TRIM4: variants seen among roughly 807,000 people sequenced by gnomAD.
TRIM4 encodes the protein E3 ubiquitin-protein ligase TRIM4.
Under a neutral mutation model 33.7 loss-of-function variants are expected in TRIM4, and 29 were observed. The ratio of observed to expected loss-of-function variants is 0.86; its 90% CI spans 0.64 to 1.17. The LOEUF is 1.17. Among genes scored for constraint, TRIM4 ranks in the 50% most tolerant of loss-of-function variants. TRIM4 has a pLI of 0.00. For synonymous variants in TRIM4, 224 were observed against 233.0 expected (o/e 0.96, Z 0.35); for missense variants, 554 against 593.7 (o/e 0.93, Z 0.69).
At chr7:99,918,586 T>C (rs955916118) in intron 1 of TRIM4, among the ~76,000 whole-genome samples, 3 of 151,850 alleles carry the variant, frequency 2.0e-5, no homozygotes, top group Non-Finnish European at 4.4e-5. Context: ...AAAAATCTCA[T>C]TGATAATTTT....
chr7:99,914,220 C>T (rs989193898), intron 1 of TRIM4, among the ~76,000 whole-genome samples: 3 of 152,206 alleles, frequency 2.0e-5, no homozygotes, highest in African/African-American at 4.8e-5. Context: ...CACAGTGGCA[C>T]GATCATAGCT....
At chr7:99,896,715 G>A (rs1157843050) in intron 5 of TRIM4, among the ~76,000 whole-genome samples, 1 of 152,234 alleles carries the variant, frequency 6.6e-6, no homozygotes, top group Non-Finnish European at 1.5e-5. Flanking sequence ...TGGAAATCCT[G>A]GGCTGGTTGT....
intron 1 of TRIM4, among the ~76,000 whole-genome samples, chr7:99,914,292 G>C (rs1819505252): frequency 6.6e-6 from 1 of 152,080 alleles, no homozygotes; most frequent in Non-Finnish European, 1.5e-5. Context: ...CGAATAGCTG[G>C]GACTACAGAT....
intron 1 of TRIM4, among the ~76,000 whole-genome samples, chr7:99,912,332 A>G (rs1345856340): frequency 2.0e-5 from 3 of 152,144 alleles, no homozygotes; most frequent in Admixed American, 2.0e-4. Flanking sequence ...AGAGTTCGAG[A>G]CCAGCCTGGG....
intron 5 of TRIM4, among the ~76,000 whole-genome samples, chr7:99,899,082 G>A (rs773760737): frequency 2.0e-5 from 3 of 152,152 alleles, no homozygotes; most frequent in Non-Finnish European, 4.4e-5. Flanking sequence ...TGCAGTGTAC[G>A]GCAGACACAC....
intron 3 of TRIM4, among the ~76,000 whole-genome samples, chr7:99,904,143 T>C (rs893877504): frequency 2.0e-5 from 3 of 152,206 alleles, no homozygotes; most frequent in Non-Finnish European, 2.9e-5. Flanking sequence ...ACCTTGTTCC[T>C]TAAGCCATGA....
chr7:99,905,533 C>T (rs955405295), intron 3 of TRIM4, among the ~76,000 whole-genome samples: 26 of 152,090 alleles, frequency 1.7e-4, no homozygotes, highest in African/African-American at 4.6e-4. Flanking sequence ...TACTATACAG[C>T]GGGCACTACT....
At chr7:99,901,045 T>C (rs1453094025) in intron 5 of TRIM4, 3 of 152,150 alleles carry the variant, frequency 2.0e-5, no homozygotes, top group African/African-American at 4.8e-5. Context: ...CCCTCCCCAC[T>C]CCTCTCTTTC....
chr7:99,909,683 G>T (rs1236210150), intron 1 of TRIM4, 23 bp from the exon 2 acceptor site: 8 of 1,507,852 alleles, frequency 5.3e-6, no homozygotes, highest in African/African-American at 1.4e-5. Context: ...ACACACACAG[G>T]TAAGAAAACA....
At chr7:99,904,919 C>T (rs1391329420) in intron 3 of TRIM4, among the ~76,000 whole-genome samples, 1 of 152,002 alleles carries the variant, frequency 6.6e-6, no homozygotes, top group Non-Finnish European at 1.5e-5. Flanking sequence ...GTAATCCCAG[C>T]TACTCGGGAG....
At chr7:99,915,040 C>A (rs1819523644) in intron 1 of TRIM4, among the ~76,000 whole-genome samples, 1 of 152,100 alleles carries the variant, frequency 6.6e-6, no homozygotes, top group Non-Finnish European at 1.5e-5. Context: ...AAACTCCTGA[C>A]CTCAAGGGAT....
chr7:99,914,872 T>C (rs1819519582), intron 1 of TRIM4, among the ~76,000 whole-genome samples: 1 of 151,876 alleles, frequency 6.6e-6, no homozygotes, highest in South Asian at 2.1e-4. Flanking sequence ...TGCAGTGACA[T>C]GATCTCGGCT....
At position 99,919,087 on chromosome 7, in the gene TRIM4, C is replaced by T; in HGVS notation, c.315G>A (p.Val105=). The change falls in exon 1 of 6, where the codon GTG becomes GTA. Residue 105 remains valine, a synonymous_variant. Coordinates refer to ENST00000349062, the MANE Select transcript of TRIM4 (RefSeq NM_033091.3). The stretch of plus-strand genomic sequence containing the variant: ...CCTGGGACTCCCTGCACACCAGGCA[C>T]ACTGGCCGCTGGTCGTCCTCGCAGA... ...RLFCEDDQRP[V]CLVCRESQEH... The T allele has an allele frequency of 6.5e-7, 1 of 1,547,352 alleles. No individual in the cohort carries two copies. Among genetic ancestry groups the T allele is most frequent in the Non-Finnish European group, 8.7e-7 (1 of 1,148,084 alleles).
At chr7:99,918,462 G>A (rs2151655364) in intron 1 of TRIM4, among the ~76,000 whole-genome samples, 1 of 152,112 alleles carries the variant, frequency 6.6e-6, no homozygotes, top group East Asian at 1.9e-4. Context: ...CTACTCGGGA[G>A]GCTGAGGCAG....
At chr7:99,893,457 G>A (rs975933194) in intron 5 of TRIM4, among the ~76,000 whole-genome samples, 1 of 152,114 alleles carries the variant, frequency 6.6e-6, no homozygotes, top group African/African-American at 2.4e-5. Flanking sequence ...GAATAATGAG[G>A]TCTCTTTTCA....
At chr7:99,918,248 G>A in intron 1 of TRIM4, among the ~76,000 whole-genome samples, 1 of 152,112 alleles carries the variant, frequency 6.6e-6, no homozygotes, top group East Asian at 1.9e-4. Flanking sequence ...ACCAATTTCA[G>A]ACCTATTATG....
intron 5 of TRIM4, among the ~76,000 whole-genome samples, chr7:99,894,673 A>G (rs2572007): frequency 1.5e-5 from 2 of 134,580 alleles, no homozygotes; most frequent in African/African-American, 2.6e-5. Flanking sequence ...TCCCCCCCCC[A>G]AAAAAAAAAA....
intron 1 of TRIM4, among the ~76,000 whole-genome samples, chr7:99,912,345 A>G (rs1819464808): frequency 6.6e-6 from 1 of 152,162 alleles, no homozygotes. Flanking sequence ...AGCCTGGGCA[A>G]CATGGTGAAA....
Position 99,908,950 on chromosome 7 carries a change from TC to T in TRIM4, c.490-139del, listed in dbSNP as rs962315666. 64 of 684,116 alleles carry T rather than the reference TC, an allele frequency of 9.4e-5. No homozygotes were observed. The African/African-American group carries it at 1.0e-3, about 11-fold the overall frequency. The allele number at this position is 684,116 out of a possible 1,614,324, so 42.4% of individuals were successfully genotyped here. ...GCTCCTGCCCACCCCCACTAAAATT[TC>T]CATTACTCCTTTATTTATACCTACT... is the stretch of plus-strand genomic sequence containing the variant. On this transcript the variant is annotated intron_variant, in intron 2 of 5. Transcript: ENST00000349062.
Sources: allele counts gnomAD v4.1 joint callset (sites outside exome capture counted in the v4.1 genomes callset), GRCh38; gene constraint gnomAD v4.1.1; transcripts MANE v1.5; gene names NCBI Gene and HGNC (gene_info 2026-07-23, HGNC 2026-07-21).